The following MICAL3 variants were observed in gnomAD, a reference collection of about 807,000 sequenced individuals.
MICAL3 encodes microtubule associated monooxygenase, calponin and LIM domain containing 3.
A neutral mutation model predicts 207.4 loss-of-function variants in MICAL3; 62 were observed. The observed-to-expected ratio is 0.30, with a 90% CI of 0.24 to 0.37. The LOEUF (loss-of-function observed/expected upper bound fraction) is 0.37. Ranked by LOEUF, MICAL3 falls within the 10% of genes least tolerant of loss-of-function variation. The pLI, the probability that MICAL3 is intolerant of heterozygous loss-of-function variation, is 1.00. For missense variants in MICAL3, 2,368 were observed against 2,635.6 expected (o/e 0.90, Z 2.22); for synonymous variants, 1,077 against 1,069.3 (o/e 1.01, Z -0.14).
chr22:17,884,380 TG>T (rs750647908), intron 16 of MICAL3: 10 of 1,570,188 alleles, frequency 6.4e-6, no homozygotes, highest in Non-Finnish European at 8.6e-6. Flanking sequence ...AGGCCAAGTG[TG>T]GGTGGGGACA....
chr22:17,996,330 G>C (rs1922273783), intron 1 of MICAL3, among the ~76,000 whole-genome samples: 1 of 151,690 alleles, frequency 6.6e-6, no homozygotes, highest in African/African-American at 2.4e-5. Flanking sequence ...TGTAGTCCCA[G>C]CTACTCGGGA....
At chr22:17,891,365 T>C in intron 12 of MICAL3, 120 bp downstream of exon 12, 1 of 821,560 alleles carries the variant, frequency 1.2e-6, no homozygotes, top group Non-Finnish European at 2.0e-6. Flanking sequence ...CACTGCCTTC[T>C]AGAGAAAGTA....
chr22:17,954,848 G>A (rs1032365053), intron 1 of MICAL3, among the ~76,000 whole-genome samples: 1 of 151,590 alleles, frequency 6.6e-6, no homozygotes, highest in Admixed American at 6.6e-5. Context: ...CCGGGTTCAA[G>A]CAATTTCTGG....
chr22:17,965,076 G>A (rs1346300959), intron 1 of MICAL3, among the ~76,000 whole-genome samples: 5 of 151,252 alleles, frequency 3.3e-5, no homozygotes, highest in African/African-American at 1.2e-4. Context: ...AGGAAACTGG[G>A]CCAAAGGAAA....
chr22:17,826,292 G>T (rs1922182613), intron 22 of MICAL3, among the ~76,000 whole-genome samples: 1 of 152,126 alleles, frequency 6.6e-6, no homozygotes, highest in South Asian at 2.1e-4. Context: ...TCTGATCCAT[G>T]CAAGGGCGGG....
chr22:17,884,489 A>C (rs1271451324), intron 16 of MICAL3: 1 of 643,100 alleles, frequency 1.6e-6, no homozygotes, highest in East Asian at 3.4e-5. Context: ...TGTGGGGAAG[A>C]GGGGGACTCA....
At chr22:17,868,928 T>C (rs1927436518) in intron 17 of MICAL3, among the ~76,000 whole-genome samples, 1 of 151,988 alleles carries the variant, frequency 6.6e-6, no homozygotes, top group African/African-American at 2.4e-5. Flanking sequence ...GAGCCCTGCA[T>C]GGAGAACCAC....
intron 1 of MICAL3, among the ~76,000 whole-genome samples, chr22:17,907,800 T>C (rs1931853428): frequency 6.6e-6 from 1 of 151,922 alleles, no homozygotes; most frequent in Admixed American, 6.6e-5. Context: ...AGTTCGAGAG[T>C]GTCAAAGTTG....
intron 11 of MICAL3, among the ~76,000 whole-genome samples, chr22:17,892,072 T>C (rs1277414119): frequency 6.6e-6 from 1 of 152,194 alleles, no homozygotes; most frequent in Non-Finnish European, 1.5e-5. Flanking sequence ...GGCTCCATTC[T>C]ATAGGGTGGC....
At chr22:17,846,827 G>A (rs1602043294) in intron 19 of MICAL3, among the ~76,000 whole-genome samples, 1 of 152,288 alleles carries the variant, frequency 6.6e-6, no homozygotes, top group South Asian at 2.1e-4. Context: ...AGGTCACAGG[G>A]AGGCCAATTA....
chr22:17,880,030 G>T (rs903203867), intron 16 of MICAL3, among the ~76,000 whole-genome samples: 1 of 152,216 alleles, frequency 6.6e-6, no homozygotes, highest in Non-Finnish European at 1.5e-5. Flanking sequence ...ACCAGGGAAG[G>T]CTCCTCGCAT....
At chr22:17,990,094 G>A (rs5992949) in intron 1 of MICAL3, among the ~76,000 whole-genome samples, 10,449 of 148,902 alleles carry the variant, frequency 0.07, 1,223 homozygotes, top group African/African-American at 0.24. Context: ...ATTTCAGGAG[G>A]CTTAAAGAAT....
chr22:17,949,085 C>T (rs889525768), intron 1 of MICAL3, among the ~76,000 whole-genome samples: 2 of 150,346 alleles, frequency 1.3e-5, no homozygotes. Flanking sequence ...TGGCATGTGC[C>T]TGTAGTCTCA....
At chr22:17,917,761 C>A (rs1222913254) in intron 1 of MICAL3, among the ~76,000 whole-genome samples, 2 of 152,218 alleles carry the variant, frequency 1.3e-5, no homozygotes, top group Non-Finnish European at 2.9e-5. Context: ...GTGCCCCTCG[C>A]TCTTCAGGTC....
chr22:17,888,991 C>G (rs764696102), intron 13 of MICAL3, 43 bp downstream of exon 13: 13 of 1,434,880 alleles, frequency 9.1e-6, no homozygotes, highest in Non-Finnish European at 1.2e-5. Context: ...CGGGCCACAG[C>G]ACAGCAGCAG....
Position 17,887,004 on chromosome 22 carries a change from A to T in MICAL3, c.2067+166T>A, listed in dbSNP as rs1446126392. Among the ~76,000 whole-genome samples, 245 of 147,982 alleles carry T rather than the reference A, an allele frequency of 1.7e-3. 2 individuals carry two copies. The highest frequency in any genetic ancestry group is 3.9e-3 in the African/African-American group (156 of 39,774). On this transcript the variant is annotated intron_variant, in intron 15 of 31. Coordinates refer to ENST00000441493, the MANE Select transcript of MICAL3 (RefSeq NM_015241.3). ...CTCTTGTCTCAAAAAAAAAAAAAAAAAAAAAAAAAAAAGAAAATAAAAAAA... is the reference window on the plus strand; with the variant it reads ...CTCTTGTCTCAAAAAAAAAAAAAAATAAAAAAAAAAAAGAAAATAAAAAAA...
At chr22:17,887,470 C>T (rs547909902) in intron 13 of MICAL3, 35 bp from the exon 14 acceptor site, 2 of 1,495,434 alleles carry the variant, frequency 1.3e-6, no homozygotes, top group African/African-American at 2.8e-5. Context: ...CAAGCACAGC[C>T]CTTGAGGGCG....
chr22:17,969,619 C>G (rs1192932596), intron 1 of MICAL3, among the ~76,000 whole-genome samples: 4 of 152,116 alleles, frequency 2.6e-5, no homozygotes, highest in African/African-American at 9.7e-5. Flanking sequence ...GGCCCTTGAT[C>G]TGTGAGGAGG....
chr22:17,831,981 T>C lies in MICAL3; in HGVS notation c.2928A>G (p.Lys976=), dbSNP rs1185653713. 7 of 1,601,878 alleles carry C rather than the reference T, an allele frequency of 4.4e-6. No homozygotes were observed. Among genetic ancestry groups the C allele is most frequent in the Non-Finnish European group, 5.1e-6 (6 of 1,174,454 alleles). The change falls in exon 21 of 32, where the codon AAA becomes AAG. Residue 976 remains lysine, a synonymous_variant. Transcript: ENST00000441493. ...TTGAGGCCTCTAGCTCCTCTTCACT[T>C]TTCCCTTTCAGAAGGGCATGGATCC... is the stretch of plus-strand genomic sequence containing the variant. ...AVRIHALLKG[K]SEEELEASKS... is the part of the protein sequence containing the mutation.
Sources: allele counts gnomAD v4.1 joint callset (sites outside exome capture counted in the v4.1 genomes callset), GRCh38; gene constraint gnomAD v4.1.1; transcripts MANE v1.5; gene names NCBI Gene and HGNC (gene_info 2026-07-23, HGNC 2026-07-21).